Variants in MAGI2 observed in about 807,000 individuals in gnomAD.
MAGI2 encodes the protein membrane associated guanylate kinase, WW and PDZ domain containing 2, also known as membrane-associated guanylate kinase, WW and PDZ domain-containing protein 2.
In MAGI2, 35 loss-of-function variants were observed where a neutral mutation model predicts 133.3. The observed-to-expected ratio is 0.26, with a 90% confidence interval of 0.20 to 0.35. The LOEUF (loss-of-function observed/expected upper bound fraction) is 0.35. MAGI2 is among the 10% of genes least tolerant of loss of function. The probability of loss-of-function intolerance (pLI) is 1.00; values close to 1 mark genes in which losing one functional copy is unlikely to be tolerated. For synonymous variants in MAGI2, 729 were observed against 710.6 expected, an observed-to-expected ratio of 1.03 and a Z score of -0.41; for missense variants, 1,636 against 1,863.4, an observed-to-expected ratio of 0.88 and a Z score of 2.25.
At chr7:79,169,910 C>T (rs1488657696) in intron 1 of MAGI2, among the ~76,000 whole-genome samples, 1 of 151,580 alleles carries the variant, frequency 6.6e-6, no homozygotes, top group East Asian at 1.9e-4. Context: ...TGCCCAGATG[C>T]CACTCCATAA....
At chr7:79,265,655 A>G (rs1834402303) in intron 1 of MAGI2, among the ~76,000 whole-genome samples, 1 of 152,166 alleles carries the variant, frequency 6.6e-6, no homozygotes, top group Non-Finnish European at 1.5e-5. Flanking sequence ...AGACAATGCT[A>G]TATTGCATGC....
intron 1 of MAGI2, among the ~76,000 whole-genome samples, chr7:79,325,340 T>C (rs1159695004): frequency 6.6e-6 from 1 of 152,134 alleles, no homozygotes; most frequent in Non-Finnish European, 1.5e-5. Context: ...CTTGAGACTT[T>C]CTGAAATTTC....
At chr7:79,291,072 C>T (rs903683387) in intron 1 of MAGI2, among the ~76,000 whole-genome samples, 5 of 151,248 alleles carry the variant, frequency 3.3e-5, no homozygotes, top group African/African-American at 1.2e-4. Flanking sequence ...GTAATCACTC[C>T]CCGCACTCCA....
At chr7:79,339,189 T>C (rs1216396927) in intron 1 of MAGI2, among the ~76,000 whole-genome samples, 1 of 152,180 alleles carries the variant, frequency 6.6e-6, no homozygotes, top group African/African-American at 2.4e-5. Context: ...AAGTTTTAGA[T>C]GTAAAATTTT....
At chr7:78,240,861 C>T (rs113697223) in intron 10 of MAGI2, among the ~76,000 whole-genome samples, 2,201 of 151,914 alleles carry the variant, frequency 0.014, 59 homozygotes, top group African/African-American at 0.05. Flanking sequence ...CATATATTAG[C>T]TAGGTATTCA....
intron 3 of MAGI2, among the ~76,000 whole-genome samples, chr7:78,612,374 A>G (rs1314308265): frequency 2.0e-5 from 3 of 152,166 alleles, no homozygotes; most frequent in Non-Finnish European, 2.9e-5. Flanking sequence ...GAAATACAAC[A>G]TAAGAAAAAC....
chr7:78,176,198 A>G (rs1156790120), intron 14 of MAGI2, among the ~76,000 whole-genome samples: 2 of 152,108 alleles, frequency 1.3e-5, no homozygotes, highest in African/African-American at 4.8e-5. Context: ...TAGTCTCTGA[A>G]TAAATTTAAG....
At chr7:78,528,291 C>G (rs113927940) in intron 3 of MAGI2, among the ~76,000 whole-genome samples, 81 of 152,260 alleles carry the variant, frequency 5.3e-4, no homozygotes, top group African/African-American at 1.9e-3. Flanking sequence ...AGGGTTCCAG[C>G]TGATCATAAT....
chr7:78,811,785 C>T (rs535946516), intron 2 of MAGI2, among the ~76,000 whole-genome samples: 2 of 152,300 alleles, frequency 1.3e-5, no homozygotes, highest in African/African-American at 4.8e-5. Flanking sequence ...GTGTGGTAGG[C>T]TGAATAATGT....
intron 1 of MAGI2, among the ~76,000 whole-genome samples, chr7:79,096,762 T>C (rs976251968): frequency 6.6e-6 from 1 of 152,170 alleles, no homozygotes; most frequent in Non-Finnish European, 1.5e-5. Context: ...CTCAACTGTA[T>C]CTATGCATCA....
At chr7:78,021,066 C>T (rs1808348036) in intron 21 of MAGI2, among the ~76,000 whole-genome samples, 1 of 151,842 alleles carries the variant, frequency 6.6e-6, no homozygotes, top group African/African-American at 2.4e-5. Context: ...TTTAAAGCAA[C>T]AGCTGGTCAG....
At chr7:78,575,191 C>T (rs1802140311) in intron 3 of MAGI2, among the ~76,000 whole-genome samples, 2 of 152,046 alleles carry the variant, frequency 1.3e-5, no homozygotes, top group Admixed American at 6.6e-5. Flanking sequence ...TAATTATTAA[C>T]TATCACTATC....
At chr7:78,304,629 G>C (rs1188887895) in intron 9 of MAGI2, among the ~76,000 whole-genome samples, 1 of 152,118 alleles carries the variant, frequency 6.6e-6, no homozygotes, top group Admixed American at 6.6e-5. Flanking sequence ...TTTGTTTCAT[G>C]GTGCTTACTT....
At chr7:79,444,803 G>A (rs1848729747) in intron 1 of MAGI2, among the ~76,000 whole-genome samples, 1 of 151,958 alleles carries the variant, frequency 6.6e-6, no homozygotes, top group African/African-American at 2.4e-5. Flanking sequence ...CACAGAATTG[G>A]AAAAAAACTA....
chr7:78,361,122 G>C (rs539626486), intron 7 of MAGI2, among the ~76,000 whole-genome samples: 7 of 152,160 alleles, frequency 4.6e-5, no homozygotes, highest in Non-Finnish European at 7.3e-5. Flanking sequence ...TGGGCCAGGC[G>C]TGGTGGCTCA....
At chr7:79,097,532 G>T (rs1045737838) in intron 1 of MAGI2, among the ~76,000 whole-genome samples, 1 of 152,122 alleles carries the variant, frequency 6.6e-6, no homozygotes, top group African/African-American at 2.4e-5. Flanking sequence ...GGGAACCCAG[G>T]AAGACTCTCA....
At chr7:79,263,071 G>A (rs1338311526) in intron 1 of MAGI2, among the ~76,000 whole-genome samples, 1 of 152,068 alleles carries the variant, frequency 6.6e-6, no homozygotes, top group African/African-American at 2.4e-5. Context: ...AGACAACCAT[G>A]TGATTTGGCT....
intron 3 of MAGI2, among the ~76,000 whole-genome samples, chr7:78,529,281 T>G (rs1035164954): frequency 1.3e-5 from 2 of 152,206 alleles, no homozygotes; most frequent in African/African-American, 4.8e-5. Context: ...CTAAATGTAA[T>G]TGTCCACAGA....
intron 1 of MAGI2, among the ~76,000 whole-genome samples, chr7:79,246,016 A>G (rs1357251689): frequency 6.6e-6 from 1 of 152,212 alleles, no homozygotes; most frequent in Non-Finnish European, 1.5e-5. Flanking sequence ...GATCTTATCC[A>G]AGACCACCAG....
Sources: allele counts gnomAD v4.1 joint callset (sites outside exome capture counted in the v4.1 genomes callset), GRCh38; gene constraint gnomAD v4.1.1; transcripts MANE v1.5; gene names NCBI Gene and HGNC (gene_info 2026-07-23, HGNC 2026-07-21).